ABCC1: variants seen among roughly 807,000 people sequenced by gnomAD.
ABCC1 encodes ATP binding cassette subfamily C member 1 (ABCC1 blood group).
ABCC1 carries 83 observed loss-of-function variants against 172.9 expected under a neutral mutation model. That is an observed-to-expected ratio of 0.48 (90% CI 0.40 to 0.58). The LOEUF (loss-of-function observed/expected upper bound fraction) is 0.58. Ranked by LOEUF, ABCC1 falls within the 20% of genes least tolerant of loss-of-function variation. The probability of loss-of-function intolerance (pLI) is 0.00; values close to 1 mark genes in which losing one functional copy is unlikely to be tolerated. For synonymous variants in ABCC1, 937 were observed against 825.2 expected (o/e 1.14, Z -2.32); for missense variants, 1,817 against 2,002.7 (o/e 0.91, Z 1.77).
intron 19 of ABCC1, among the ~76,000 whole-genome samples, chr16:16,099,253 A>C (rs554066286): frequency 1.2e-4 from 18 of 152,308 alleles, no homozygotes; most frequent in African/African-American, 4.3e-4. Flanking sequence ...CAACAGTTTG[A>C]TTGTGAGCTG....
intron 23 of ABCC1, among the ~76,000 whole-genome samples, chr16:16,118,037 G>A (rs757969599): frequency 8.5e-5 from 13 of 152,280 alleles, no homozygotes; most frequent in African/African-American, 2.4e-4. Flanking sequence ...TTAGGATATC[G>A]CAGGATAGAT....
chr16:16,112,536 C>A (rs1319721238), intron 22 of ABCC1, among the ~76,000 whole-genome samples: 1 of 152,128 alleles, frequency 6.6e-6, no homozygotes, highest in Non-Finnish European at 1.5e-5. Flanking sequence ...ATCCTTGCAG[C>A]AGTCCTGTGA....
chr16:16,056,674 C>G (rs868486770), intron 12 of ABCC1: 1 of 222,546 alleles, frequency 4.5e-6, no homozygotes, highest in African/African-American at 2.3e-5. Flanking sequence ...GTCTCAAAAA[C>G]AAACAAAAAA....
intron 10 of ABCC1, among the ~76,000 whole-genome samples, chr16:16,051,283 C>T (rs2049418191): frequency 6.6e-6 from 1 of 151,988 alleles, no homozygotes; most frequent in Non-Finnish European, 1.5e-5. Context: ...AGTCTTCCCA[C>T]TTTGTCATCT....
chr16:15,999,769 T>TTCTCTCTCTC (rs1228532784), intron 1 of ABCC1, among the ~76,000 whole-genome samples: 1,037 of 25,354 alleles, frequency 0.041, 375 homozygotes, highest in South Asian at 0.11. Context: ...CCCGGCCTCT[T>TTCTCTCTCTC]TCTCTCTCTC....
Position 16,033,181 on chromosome 16 carries a change from G to GC in ABCC1, c.677+17dup, listed in dbSNP as rs45492093. ...CTGGTGGATCACAGGGTAAGGCCAG[G>GC]CCCCCCAGACCTCAGGGAGGTGGTG... is the stretch of plus-strand genomic sequence containing the variant. On this transcript the variant is annotated intron_variant, in intron 6 of 30. Transcript: ENST00000399410. The GC allele has an allele frequency of 1.0e-3, 1,683 of 1,613,406 alleles. 18 individuals are homozygous for GC. The African/African-American group carries it at 0.021, about 20-fold the overall frequency.
intron 26 of ABCC1, among the ~76,000 whole-genome samples, chr16:16,127,613 G>A (rs1029150911): frequency 2.0e-5 from 3 of 152,198 alleles, no homozygotes; most frequent in Admixed American, 6.5e-5. Flanking sequence ...AGACCTAGGC[G>A]TTGAGCCTGT....
In ABCC1 at chr16:16,089,219, G is replaced by C. The variant is rs554595781; in HGVS notation, c.2461-1186G>C. Among the ~76,000 whole-genome samples, 31 of 152,266 alleles carry C rather than the reference G, an allele frequency of 2.0e-4. No individual in the cohort carries two copies. In the South Asian group the frequency reaches 6.0e-3, roughly 29 times the overall value. ...ATGTGCATATTTTGTAGTGGTTTTG[G>C]GGGTGGCTGACAGCGGGAGTTGTTT... On this transcript the variant is annotated intron_variant, in intron 18 of 30. Transcript: ENST00000399410.
In ABCC1 at chr16:16,044,466, G is replaced by C; in HGVS notation, c.826G>C (p.Val276Leu). ...GTGTTCCAGGCAGCCGGTGAAGGTT[G>C]TGTACTCCTCCAAGGATCCTGCCCA... ...AKTRKQPVKVVYSSKDPAQPK... is the reference protein window; with the variant it reads ...AKTRKQPVKVLYSSKDPAQPK... The change falls in exon 8 of 31, where the codon GTG (valine) becomes CTG (leucine). Residue 276 changes from valine (V) to leucine (L), a missense_variant. This residue lies in a region of ABCC1 where 398 missense variants were observed against 384.2 expected (regional missense o/e 1.04). Coordinates refer to ENST00000399410, the MANE Select transcript of ABCC1 (RefSeq NM_004996.4). 6.2e-7 allele frequency: 1 copy of C among 1,614,106 alleles called. No homozygotes were observed. The highest frequency in any genetic ancestry group is 8.5e-7 in the Non-Finnish European group (1 of 1,179,998).
At chr16:16,126,007 C>T in intron 26 of ABCC1, 96 bp downstream of exon 26, 2 of 789,562 alleles carry the variant, frequency 2.5e-6, no homozygotes, top group Non-Finnish European at 4.0e-6. Flanking sequence ...TGCCTCTGAG[C>T]TGGATACCTC....
At position 15,988,353 on chromosome 16, in the gene ABCC1, C is replaced by T. The variant is rs528651902; in HGVS notation, c.49-19463C>T. Among the ~76,000 whole-genome samples, 32 of 152,272 alleles carry T rather than the reference C, an allele frequency of 2.1e-4. No homozygotes were observed. In the South Asian group the frequency reaches 4.6e-3, roughly 22 times the overall value. On this transcript the variant is annotated intron_variant, in intron 1 of 30. Transcript: ENST00000399410. The stretch of plus-strand genomic sequence containing the variant: ...TTTAGGCTGTCAGCTCCAGGAGGGC[C>T]GGCCCTTGGTCCCTATTGTTCACTG...
At chr16:16,126,899 C>T (rs1309659092) in intron 26 of ABCC1, among the ~76,000 whole-genome samples, 3 of 152,136 alleles carry the variant, frequency 2.0e-5, no homozygotes, top group Non-Finnish European at 4.4e-5. Context: ...CGTTATTGAA[C>T]CCCAGTCCCC....
At chr16:15,977,590 T>A (rs1165438457) in intron 1 of ABCC1, among the ~76,000 whole-genome samples, 1 of 152,078 alleles carries the variant, frequency 6.6e-6, no homozygotes, top group African/African-American at 2.4e-5. Context: ...GGAGTGAGGT[T>A]CCCTCCTGTC....
At chr16:16,075,225 A>G (rs1434481621) in intron 14 of ABCC1, among the ~76,000 whole-genome samples, 4 of 152,116 alleles carry the variant, frequency 2.6e-5, no homozygotes, top group Non-Finnish European at 5.9e-5. Context: ...GATTACAGGC[A>G]TGAGCCCCTG....
intron 1 of ABCC1, among the ~76,000 whole-genome samples, chr16:15,972,717 G>A (rs371885072): frequency 6.6e-6 from 1 of 151,850 alleles, no homozygotes; most frequent in Non-Finnish European, 1.5e-5. Context: ...TGCTTCTCTA[G>A]GAGGAAACAG....
At chr16:16,103,639 A>C (rs1294859552) in intron 20 of ABCC1, among the ~76,000 whole-genome samples, 2 of 152,116 alleles carry the variant, frequency 1.3e-5, no homozygotes, top group African/African-American at 2.4e-5. Flanking sequence ...CAACAACAAA[A>C]ATTGACAAAG....
upstream of ABCC1, chr16:15,949,511 G>A (rs190183744): frequency 8.2e-4 from 119 of 145,814 alleles, no homozygotes; most frequent in East Asian, 0.021. Context: ...GACGCGCGAG[G>A]TGAGCGGGCG....
chr16:16,006,930 G>A (rs1437257050), intron 1 of ABCC1, among the ~76,000 whole-genome samples: 4 of 137,242 alleles, frequency 2.9e-5, no homozygotes, highest in Non-Finnish European at 4.8e-5. Context: ...GGTGATGGTG[G>A]TGATGGTGTT....
At chr16:16,031,853 T>A (rs1038922243) in intron 5 of ABCC1, among the ~76,000 whole-genome samples, 2 of 152,200 alleles carry the variant, frequency 1.3e-5, no homozygotes, top group Non-Finnish European at 2.9e-5. Context: ...GTTTTGCATT[T>A]GTTCATGTGA....
Sources: allele counts gnomAD v4.1 joint callset (sites outside exome capture counted in the v4.1 genomes callset), GRCh38; gene constraint gnomAD v4.1.1; regional missense constraint gnomAD v4.1.1; transcripts MANE v1.5; gene names NCBI Gene and HGNC (gene_info 2026-07-23, HGNC 2026-07-21).